Variants in PCDH15 observed in about 807,000 individuals in gnomAD.
PCDH15 encodes protocadherin-15.
Under a neutral mutation model 178.5 loss-of-function variants are expected in PCDH15, and 129 were observed. The ratio of observed to expected loss-of-function variants is 0.72; its 90% CI spans 0.63 to 0.84. The LOEUF is 0.84. Among genes scored for constraint, PCDH15 ranks in the 40% least tolerant of loss-of-function variants. PCDH15 has a pLI of 0.00. For missense variants in PCDH15, 2,230 were observed against 2,099.9 expected (o/e 1.06, Z -1.21); for synonymous variants, 800 against 732.0 (o/e 1.09, Z -1.50).
At chr10:55,420,185 G>T (rs1286625443) in intron 2 of PCDH15, among the ~76,000 whole-genome samples, 10 of 151,628 alleles carry the variant, frequency 6.6e-5, no homozygotes, top group African/African-American at 1.9e-4. Flanking sequence ...ACAATTAAAT[G>T]AAATTAAAAT....
At chr10:54,671,838 A>C (rs1052543853) in intron 1 of PCDH15, among the ~76,000 whole-genome samples, 5 of 152,142 alleles carry the variant, frequency 3.3e-5, no homozygotes, top group East Asian at 1.9e-4. Flanking sequence ...CTCGTATAAT[A>C]CTATTCTATA....
chr10:55,108,450 A>AC (rs1230099881), intron 2 of PCDH15, among the ~76,000 whole-genome samples: 1 of 152,228 alleles, frequency 6.6e-6, no homozygotes, highest in East Asian at 1.9e-4. Context: ...AAAAAGCAGA[A>AC]CACAAATGAC....
chr10:55,453,603 G>A (rs548165321), intron 2 of PCDH15, among the ~76,000 whole-genome samples: 20 of 152,062 alleles, frequency 1.3e-4, no homozygotes, highest in Non-Finnish European at 2.4e-4. Flanking sequence ...GTTTCGGGGG[G>A]TCAACTAGAT....
intron 1 of PCDH15, among the ~76,000 whole-genome samples, chr10:54,731,545 G>GATAGATATATATATATAT (rs1555172505): frequency 8.7e-5 from 7 of 80,256 alleles, no homozygotes; most frequent in Non-Finnish European, 1.5e-4. Flanking sequence ...ATGTGAGATA[G>GATAGATATATATATATAT]ATATATATAT....
chr10:55,044,761 T>G (rs943050774), intron 2 of PCDH15, among the ~76,000 whole-genome samples: 6 of 152,154 alleles, frequency 3.9e-5, no homozygotes, highest in African/African-American at 1.4e-4. Flanking sequence ...CTCCAACATT[T>G]TATTTTATCA....
At position 54,454,300 on chromosome 10, in the gene PCDH15, GATAGATTATAAAGAATTTCATTT is replaced by G. The variant is rs1400725461; in HGVS notation, c.157+73489_157+73511del. ...TTATAGATTATAAATGCTTTTAATT[GATAGATTATAAAGAATTTCATTT>G]ATAGATTATAAAGAATTACTGTGGG... On this transcript the variant is annotated intron_variant, in intron 3 of 37. Coordinates refer to ENST00000644397, the MANE Select transcript of PCDH15 (RefSeq NM_001384140.1). Among the ~76,000 whole-genome samples, 200 of 149,260 alleles carry G rather than the reference GATAGATTATAAAGAATTTCATTT, an allele frequency of 1.3e-3. 1 individual carries two copies. The highest frequency in any genetic ancestry group is 4.6e-3 in the African/African-American group (191 of 41,078).
chr10:54,896,270 A>G (rs1954544120), intron 3 of PCDH15, among the ~76,000 whole-genome samples: 1 of 152,172 alleles, frequency 6.6e-6, no homozygotes, highest in African/African-American at 2.4e-5. Flanking sequence ...ACTATAGTCA[A>G]TTAGAAACAT....
chr10:54,061,859 G>C (rs780661708), intron 18 of PCDH15, among the ~76,000 whole-genome samples: 14 of 151,940 alleles, frequency 9.2e-5, no homozygotes, highest in Non-Finnish European at 1.8e-4. Flanking sequence ...AAAACTTTTT[G>C]CTATGTATAA....
intron 2 of PCDH15, among the ~76,000 whole-genome samples, chr10:54,547,436 C>G (rs2085987086): frequency 6.6e-6 from 1 of 152,060 alleles, no homozygotes; most frequent in South Asian, 2.1e-4. Context: ...TATGTCACCA[C>G]CACCTACAAT....
intron 1 of PCDH15, among the ~76,000 whole-genome samples, chr10:55,169,062 A>G (rs563157374): frequency 6.6e-6 from 1 of 152,282 alleles, no homozygotes; most frequent in South Asian, 2.1e-4. Flanking sequence ...GTTTTTCTAG[A>G]TTGATATTTC....
chr10:54,043,586 G>T lies in PCDH15; in HGVS notation c.2221-20389C>A, dbSNP rs187779317. 2.4e-3 allele frequency among the ~76,000 whole-genome samples: 369 copies of T among 151,842 alleles called. 1 individual carries two copies. Among genetic ancestry groups the T allele is most frequent in the African/African-American group, 8.6e-3 (355 of 41,432 alleles). On this transcript the variant is annotated intron_variant, in intron 18 of 37. Coordinates refer to ENST00000644397, the MANE Select transcript of PCDH15 (RefSeq NM_001384140.1). ...TATTTTTTTGTACAGACAGAGATTT[G>T]CCATGTTGCTCAGGCTGGTCTCAAA... is the stretch of plus-strand genomic sequence containing the variant.
intron 2 of PCDH15, among the ~76,000 whole-genome samples, chr10:55,390,368 T>C (rs1003251060): frequency 6.6e-6 from 1 of 152,176 alleles, no homozygotes; most frequent in Non-Finnish European, 1.5e-5. Context: ...GGGGTGGCTA[T>C]GACAATTCAT....
intron 2 of PCDH15, among the ~76,000 whole-genome samples, chr10:55,625,621 A>G (rs890259466): frequency 4.6e-5 from 7 of 152,292 alleles, no homozygotes; most frequent in African/African-American, 1.2e-4. Context: ...TTGAAAGTCA[A>G]TAGTTACAAA....
intron 2 of PCDH15, chr10:55,468,342 C>T (rs1376427190): frequency 6.6e-6 from 1 of 152,106 alleles, no homozygotes; most frequent in African/African-American, 2.4e-5. Flanking sequence ...ACTTTGATTT[C>T]TTTTCAATCA....
intron 2 of PCDH15, chr10:54,599,579 T>C (rs1482851526): frequency 3.4e-6 from 1 of 291,546 alleles, no homozygotes; most frequent in African/African-American, 2.3e-5. Context: ...GGCAATACTA[T>C]TCTGAACATA....
At chr10:55,306,308 G>A (rs1198354300) in intron 1 of PCDH15, among the ~76,000 whole-genome samples, 1 of 152,156 alleles carries the variant, frequency 6.6e-6, no homozygotes, top group Non-Finnish European at 1.5e-5. Context: ...GAAAACATAA[G>A]TTTTATACCA....
intron 26 of PCDH15, among the ~76,000 whole-genome samples, chr10:53,894,621 G>T (rs2081823943): frequency 6.6e-6 from 1 of 152,144 alleles, no homozygotes; most frequent in South Asian, 2.1e-4. Flanking sequence ...CACAAATACT[G>T]TAAAACATAA....
chr10:55,527,739 AT>A (rs891935960), intron 2 of PCDH15, among the ~76,000 whole-genome samples: 18 of 152,088 alleles, frequency 1.2e-4, no homozygotes, highest in African/African-American at 4.1e-4. Context: ...TATGACTTAA[AT>A]TTAATGCTTT....
At chr10:54,160,142 A>C (rs2045563115) in intron 13 of PCDH15, among the ~76,000 whole-genome samples, 2 of 152,144 alleles carry the variant, frequency 1.3e-5, no homozygotes, top group African/African-American at 4.8e-5. Flanking sequence ...CAGGGAGCAT[A>C]GATGTCCTGG....
Sources: allele counts gnomAD v4.1 joint callset (sites outside exome capture counted in the v4.1 genomes callset), GRCh38; gene constraint gnomAD v4.1.1; transcripts MANE v1.5; gene names NCBI Gene and HGNC (gene_info 2026-07-23, HGNC 2026-07-21).